The following UBR1 variants were observed in gnomAD, a reference collection of about 807,000 sequenced individuals.
UBR1 encodes the protein ubiquitin protein ligase E3 component n-recognin 1, also known as E3 ubiquitin-protein ligase UBR1.
A neutral mutation model predicts 242.1 loss-of-function variants in UBR1; 102 were observed. The ratio of observed to expected loss-of-function variants is 0.42; its 90% CI spans 0.36 to 0.50. The LOEUF (loss-of-function observed/expected upper bound fraction) is 0.50. UBR1 is among the 20% of genes least tolerant of loss of function. UBR1 has a pLI of 0.01. For synonymous variants in UBR1, 675 were observed against 684.8 expected (o/e 0.99, Z 0.22); for missense variants, 1,772 against 2,101.8 (o/e 0.84, Z 3.07).
rs2033652816 is a variant in UBR1 at position 43,059,172 on chromosome 15, A to C, written c.1006T>G (p.Cys336Gly). 6 of 1,614,112 alleles carry C rather than the reference A, an allele frequency of 3.7e-6. No individual in the cohort carries two copies. The highest frequency in any genetic ancestry group is 5.1e-6 in the Non-Finnish European group (6 of 1,180,004). ...GGTTCTTCTCTAAGGCATGCTTGGCAAAAGATCTGCCTAAAGTCACCTACA... is the reference window on the plus strand; with the variant it reads ...GGTTCTTCTCTAAGGCATGCTTGGCCAAAGATCTGCCTAAAGTCACCTACA... Reference protein sequence around the residue: ...SYSSDFRQIFCQACLREEPDS... With the variant: ...SYSSDFRQIFGQACLREEPDS... The change falls in exon 9 of 47, where the codon TGC becomes GGC. Residue 336 changes from cysteine to glycine, a missense_variant. By Grantham distance (159) the Cys-to-Gly change is radical. Coordinates refer to ENST00000290650, the MANE Select transcript of UBR1 (RefSeq NM_174916.3).
chr15:43,092,689 G>C (rs937768767), intron 1 of UBR1, among the ~76,000 whole-genome samples: 11 of 152,102 alleles, frequency 7.2e-5, no homozygotes, highest in Admixed American at 5.9e-4. Flanking sequence ...AAGTAGCTGG[G>C]ACTACGGGCG....
At chr15:42,955,347 T>G (rs1712794607) in intron 44 of UBR1, among the ~76,000 whole-genome samples, 1 of 152,222 alleles carries the variant, frequency 6.6e-6, no homozygotes, top group African/African-American at 2.4e-5. Flanking sequence ...ACTGAGATCT[T>G]GAATTAATTT....
At chr15:43,074,385 A>C (rs187634100) in intron 4 of UBR1, among the ~76,000 whole-genome samples, 67 of 152,246 alleles carry the variant, frequency 4.4e-4, no homozygotes, top group Admixed American at 2.1e-3. Flanking sequence ...TGCTACTCTT[A>C]TCTATTAATA....
At chr15:43,020,317 A>C (rs1481944150) in intron 27 of UBR1, among the ~76,000 whole-genome samples, 1 of 152,188 alleles carries the variant, frequency 6.6e-6, no homozygotes, top group Non-Finnish European at 1.5e-5. Context: ...CTGGGATTAC[A>C]GGTGCTAGCC....
chr15:43,080,551 T>C (rs1017274570), intron 3 of UBR1, among the ~76,000 whole-genome samples: 3 of 152,246 alleles, frequency 2.0e-5, no homozygotes, highest in African/African-American at 7.2e-5. Flanking sequence ...CCTTTCTTTA[T>C]AGTACTAAGC....
intron 22 of UBR1, among the ~76,000 whole-genome samples, chr15:43,027,473 GA>G (rs1490691003): frequency 6.6e-6 from 1 of 151,982 alleles, no homozygotes; most frequent in African/African-American, 2.4e-5. Context: ...TAAAATAAAT[GA>G]AATCATGGGT....
chr15:42,995,841 C>CT (rs1451225564), intron 33 of UBR1, among the ~76,000 whole-genome samples: 1 of 152,168 alleles, frequency 6.6e-6, no homozygotes, highest in Non-Finnish European at 1.5e-5. Flanking sequence ...GGAGGGGAAA[C>CT]TGACAGGACG....
chr15:43,052,729 A>G (rs2033571623), intron 12 of UBR1, among the ~76,000 whole-genome samples: 1 of 150,902 alleles, frequency 6.6e-6, no homozygotes, highest in Admixed American at 6.6e-5. Flanking sequence ...AATTTCTACA[A>G]TGAGAGACTG....
At chr15:43,004,613 G>A (rs902259925) in intron 30 of UBR1, among the ~76,000 whole-genome samples, 15 of 152,226 alleles carry the variant, frequency 9.9e-5, no homozygotes, top group Non-Finnish European at 1.8e-4. Flanking sequence ...GCTCCTGACC[G>A]CGAGTGATCT....
At chr15:43,026,967 T>C (rs1041126984) in intron 22 of UBR1, among the ~76,000 whole-genome samples, 11 of 152,138 alleles carry the variant, frequency 7.2e-5, no homozygotes, top group Non-Finnish European at 2.9e-5. Flanking sequence ...TTTAAGAGTC[T>C]CTGATGCCTA....
chr15:42,973,332 C>T (rs1212899423), intron 39 of UBR1, among the ~76,000 whole-genome samples: 6 of 152,086 alleles, frequency 3.9e-5, no homozygotes, highest in African/African-American at 7.2e-5. Flanking sequence ...AGTCTTGTTC[C>T]GTTGCCAGGA....
intron 46 of UBR1, among the ~76,000 whole-genome samples, chr15:42,946,592 A>G (rs965981507): frequency 6.6e-6 from 1 of 152,206 alleles, no homozygotes; most frequent in African/African-American, 2.4e-5. Context: ...TGTGTGATCC[A>G]AGGTCCCAAG....
At chr15:42,970,746 G>C (rs1309015106) in intron 39 of UBR1, 139 bp from the exon 40 acceptor site, 7 of 795,392 alleles carry the variant, frequency 8.8e-6, no homozygotes, top group Non-Finnish European at 1.4e-5. Flanking sequence ...TTTTGAGACA[G>C]AGTTTCGCTC....
At chr15:42,994,326 T>C (rs552336438) in intron 33 of UBR1, among the ~76,000 whole-genome samples, 12 of 128,298 alleles carry the variant, frequency 9.4e-5, no homozygotes, top group African/African-American at 3.5e-4. Flanking sequence ...GGTGGGAGAA[T>C]CACTTGAGGT....
intron 3 of UBR1, among the ~76,000 whole-genome samples, chr15:43,079,807 T>A (rs1404687538): frequency 1.3e-5 from 2 of 151,680 alleles, no homozygotes; most frequent in Non-Finnish European, 2.9e-5. Context: ...AATAAATAAA[T>A]AAAAGTCCTG....
intron 12 of UBR1, among the ~76,000 whole-genome samples, chr15:43,051,888 T>C (rs1452959864): frequency 6.6e-6 from 1 of 152,180 alleles, no homozygotes; most frequent in Non-Finnish European, 1.5e-5. Flanking sequence ...TGTGCTATAC[T>C]TTCTGGAAAT....
intron 1 of UBR1, among the ~76,000 whole-genome samples, chr15:43,104,361 C>T (rs1265827518): frequency 6.6e-6 from 1 of 152,216 alleles, no homozygotes; most frequent in Non-Finnish European, 1.5e-5. Context: ...CTTCTGACCA[C>T]AGCAGTTTCC....
chr15:42,947,753 A>C (rs1210166118), intron 46 of UBR1, among the ~76,000 whole-genome samples: 1 of 152,212 alleles, frequency 6.6e-6, no homozygotes, highest in African/African-American at 2.4e-5. Flanking sequence ...CTTCAAGGAG[A>C]ACTACAAACC....
chr15:43,070,708 G>A, intron 5 of UBR1, 87 bp downstream of exon 5: 1 of 1,571,026 alleles, frequency 6.4e-7, no homozygotes, highest in Non-Finnish European at 8.7e-7. Context: ...TAATTAGGCA[G>A]TAAATAACAA....
Sources: allele counts gnomAD v4.1 joint callset (sites outside exome capture counted in the v4.1 genomes callset), GRCh38; gene constraint gnomAD v4.1.1; transcripts MANE v1.5; gene names NCBI Gene and HGNC (gene_info 2026-07-23, HGNC 2026-07-21).